The following LRP1B variants were observed in gnomAD, a reference collection of about 807,000 sequenced individuals.
The protein encoded by LRP1B is low-density lipoprotein receptor-related protein 1B.
Under a neutral mutation model 556.6 loss-of-function variants are expected in LRP1B, and 217 were observed. The observed-to-expected ratio is 0.39, with a 90% CI of 0.35 to 0.44. The LOEUF (loss-of-function observed/expected upper bound fraction) is 0.44, where lower values mean the gene tolerates loss of function less well. Among genes scored for constraint, LRP1B ranks in the 20% least tolerant of loss-of-function variants. LRP1B has a pLI of 1.00. For missense variants in LRP1B, 5,053 were observed against 5,620.8 expected, an observed-to-expected ratio of 0.90 and a Z score of 3.23; for synonymous variants, 2,047 against 1,865.8, an observed-to-expected ratio of 1.10 and a Z score of -2.50.
rs575642922 is a variant in LRP1B, at chr2:140,785,633, G to A, written c.5360-9395C>T. 1.4e-3 allele frequency among the ~76,000 whole-genome samples: 211 copies of A among 152,046 alleles called. 1 individual carries two copies. The highest frequency in any genetic ancestry group is 4.8e-3 in the African/African-American group (197 of 41,440). On this transcript the variant is annotated intron_variant, in intron 32 of 90. Coordinates refer to ENST00000389484, the MANE Select transcript of LRP1B (RefSeq NM_018557.3). ...GGGAAGTATTCTCACTTACGACTTCGCTAACTACCCCCTATACCGCCCCAA... is the reference window on the plus strand; with the variant it reads ...GGGAAGTATTCTCACTTACGACTTCACTAACTACCCCCTATACCGCCCCAA...
chr2:141,238,265 A>AG (rs1683733254), intron 5 of LRP1B, among the ~76,000 whole-genome samples: 1 of 152,164 alleles, frequency 6.6e-6, no homozygotes, highest in African/African-American at 2.4e-5. Context: ...CTTTAGCTAC[A>AG]GAAAAATATT....
intron 1 of LRP1B, among the ~76,000 whole-genome samples, chr2:141,959,460 C>A (rs1332405450): frequency 6.6e-6 from 1 of 151,938 alleles, no homozygotes; most frequent in Non-Finnish European, 1.5e-5. Flanking sequence ...CATTTTCTAA[C>A]ATTTGTGCAC....
chr2:141,370,739 G>A (rs547268241), intron 3 of LRP1B, among the ~76,000 whole-genome samples: 1 of 152,206 alleles, frequency 6.6e-6, no homozygotes, highest in Non-Finnish European at 1.5e-5. Flanking sequence ...GTCTAGAAGA[G>A]TATTCCCCAG....
chr2:142,075,086 T>C (rs1030428640), intron 1 of LRP1B, among the ~76,000 whole-genome samples: 2 of 152,138 alleles, frequency 1.3e-5, no homozygotes, highest in Non-Finnish European at 2.9e-5. Context: ...AGCCAGCACA[T>C]TACCTTGCAT....
rs769765838 is a variant in LRP1B at position 140,364,727 on chromosome 2, G to T, written c.11065C>A (p.His3689Asn). 1.4e-5 allele frequency: 23 copies of T among 1,610,244 alleles called. No homozygotes were observed. The highest frequency in any genetic ancestry group is 2.0e-5 in the Non-Finnish European group (23 of 1,177,428). ...FLCNNSLCKL[H>N]FWVCDGEDDC... ...TCCTCTCCATCACACACCCAGAAAT[G>T]TAGTTTGCAGAGAGAATTATTGCAA... is the stretch of plus-strand genomic sequence containing the variant. Residue 3689 changes from histidine (H) to asparagine (N), a missense_variant, in exon 72 of 91, where the codon CAT (histidine) becomes AAT (asparagine). His to Asn is a moderately conservative substitution (Grantham distance 68, BLOSUM62 1). Around this residue, in one of 5 missense-constraint regions of LRP1B, gnomAD observed 599 missense variants for 648.4 expected, o/e 0.92. Transcript: ENST00000389484.
intron 2 of LRP1B, among the ~76,000 whole-genome samples, chr2:141,675,857 G>A (rs1283878564): frequency 6.6e-6 from 1 of 151,826 alleles, no homozygotes; most frequent in East Asian, 1.9e-4. Context: ...TCCAACGTTT[G>A]TAATTTTATG....
chr2:140,285,006 A>ATC (rs199717126), intron 84 of LRP1B, among the ~76,000 whole-genome samples: 58,970 of 144,700 alleles, frequency 0.41, 13,050 homozygotes, highest in Non-Finnish European at 0.51. Flanking sequence ...ATACCTAGAT[A>ATC]TCTCTCTGTG....
chr2:141,680,217 A>G (rs1368139502), intron 2 of LRP1B, among the ~76,000 whole-genome samples: 1 of 152,148 alleles, frequency 6.6e-6, no homozygotes, highest in Non-Finnish European at 1.5e-5. Context: ...TGTTTGTAGC[A>G]AACACTTTCA....
At chr2:140,541,230 T>A (rs941809562) in intron 44 of LRP1B, 132 bp from the exon 45 acceptor site, 1 of 789,956 alleles carries the variant, frequency 1.3e-6, no homozygotes, top group Admixed American at 3.0e-5. Flanking sequence ...CATTCAGGAT[T>A]TTTGAAAATC....
intron 15 of LRP1B, among the ~76,000 whole-genome samples, chr2:141,000,035 C>T (rs1007908858): frequency 2.6e-5 from 4 of 152,028 alleles, no homozygotes; most frequent in African/African-American, 9.7e-5. Context: ...CTGACTCATC[C>T]TCCTGAGTAC....
intron 7 of LRP1B, among the ~76,000 whole-genome samples, chr2:141,171,611 C>T (rs1680501102): frequency 6.6e-6 from 1 of 152,052 alleles, no homozygotes; most frequent in African/African-American, 2.4e-5. Context: ...TGCAAAACTT[C>T]CAAACATCTC....
chr2:141,194,254 C>A (rs577105672), intron 6 of LRP1B, among the ~76,000 whole-genome samples: 1 of 152,024 alleles, frequency 6.6e-6, no homozygotes, highest in Non-Finnish European at 1.5e-5. Flanking sequence ...ATGTTTTTAA[C>A]GTTTTGAAAA....
intron 2 of LRP1B, among the ~76,000 whole-genome samples, chr2:141,618,107 G>A (rs1688376377): frequency 1.3e-5 from 2 of 152,132 alleles, no homozygotes; most frequent in Non-Finnish European, 2.9e-5. Flanking sequence ...GGGCATGTAT[G>A]TATTTTGAGG....
In LRP1B at chr2:141,378,321, A is replaced by G. The variant is rs192611704; in HGVS notation, c.343+102075T>C. On this transcript the variant is annotated intron_variant, in intron 3 of 90. Coordinates refer to ENST00000389484, the MANE Select transcript of LRP1B (RefSeq NM_018557.3). Reference sequence around the variant, plus strand: ...ATTTTAAAGCAAAATTCTCAAATATACTAAAAGAGGTAAAGGCAACCACGA... The same window carrying G: ...ATTTTAAAGCAAAATTCTCAAATATGCTAAAAGAGGTAAAGGCAACCACGA... Among the ~76,000 whole-genome samples the G allele has an allele frequency of 1.8e-4, 27 of 152,338 alleles. No homozygotes were observed. The East Asian group carries it at 5.2e-3, about 29-fold the overall frequency.
chr2:140,393,295 G>T (rs1250075432), intron 66 of LRP1B, among the ~76,000 whole-genome samples: 1 of 151,946 alleles, frequency 6.6e-6, no homozygotes, highest in East Asian at 1.9e-4. Context: ...ACAAAATAAT[G>T]AACCAGTAGC....
chr2:141,589,959 T>G (rs1402946979), intron 2 of LRP1B, among the ~76,000 whole-genome samples: 1 of 152,222 alleles, frequency 6.6e-6, no homozygotes, highest in Non-Finnish European at 1.5e-5. Context: ...AAGAAGCCAC[T>G]AAACTGCACA....
chr2:142,031,203 A>C (rs577066858), intron 1 of LRP1B, among the ~76,000 whole-genome samples: 1 of 151,924 alleles, frequency 6.6e-6, no homozygotes, highest in African/African-American at 2.4e-5. Context: ...GTAATGAGAT[A>C]AATGTGCATG....
At chr2:141,053,267 G>A (rs921745841) in intron 10 of LRP1B, among the ~76,000 whole-genome samples, 2 of 151,982 alleles carry the variant, frequency 1.3e-5, no homozygotes, top group African/African-American at 2.4e-5. Flanking sequence ...GTGAGGCAAA[G>A]GTCCCCTTTT....
At chr2:140,763,105 C>CT (rs1688986027) in intron 35 of LRP1B, among the ~76,000 whole-genome samples, 1 of 151,980 alleles carries the variant, frequency 6.6e-6, no homozygotes, top group Admixed American at 6.6e-5. Context: ...ATAAAAAATA[C>CT]TTTTTTCACA....
Sources: gnomAD v4.1 joint callset for allele counts (sites outside exome capture counted in the v4.1 genomes callset) on GRCh38, gnomAD v4.1.1 for gene constraint, gnomAD v4.1.1 regional missense constraint, MANE v1.5 for transcripts, NCBI Gene and HGNC (gene_info 2026-07-23, HGNC 2026-07-21) for gene names.